Variants in NBAS observed in about 807,000 individuals in gnomAD.
NBAS encodes NBAS subunit of NRZ tethering complex.
Under a neutral mutation model 302.5 loss-of-function variants are expected in NBAS, and 219 were observed. The ratio of observed to expected loss-of-function variants is 0.72; its 90% CI spans 0.65 to 0.81. The LOEUF (loss-of-function observed/expected upper bound fraction) is 0.81. Ranked by LOEUF, NBAS falls within the 30% of genes least tolerant of loss-of-function variation. The probability of loss-of-function intolerance (pLI) is 0.00; values close to 1 mark genes in which losing one functional copy is unlikely to be tolerated. For synonymous variants in NBAS, 1,118 were observed against 1,021.6 expected (o/e 1.09, Z -1.80); for missense variants, 2,932 against 2,841.6 (o/e 1.03, Z -0.72).
intron 48 of NBAS, among the ~76,000 whole-genome samples, chr2:15,196,911 T>G (rs1373585499): frequency 1.3e-5 from 2 of 152,178 alleles, no homozygotes; most frequent in Admixed American, 1.3e-4. Context: ...ATTTGGTGAC[T>G]TATCCTTCCT....
the NBAS span, among the ~76,000 whole-genome samples, chr2:14,948,462 A>G: frequency 6.6e-6 from 1 of 152,130 alleles, no homozygotes; most frequent in East Asian, 1.9e-4. Flanking sequence ...ACAGTGTAAA[A>G]TGTGAAAAAT....
chr2:15,317,171 G>A (rs971267883), intron 38 of NBAS, among the ~76,000 whole-genome samples: 1 of 152,182 alleles, frequency 6.6e-6, no homozygotes, highest in African/African-American at 2.4e-5. Flanking sequence ...CTCTTAGAAG[G>A]AAAACTAACA....
At chr2:14,841,227 TC>T in the NBAS span, among the ~76,000 whole-genome samples, 1 of 151,876 alleles carries the variant, frequency 6.6e-6, no homozygotes, top group East Asian at 1.9e-4. Context: ...TAAAATATAT[TC>T]CCAGAGAAAA....
chr2:15,383,754 T>C (rs1358744902), intron 28 of NBAS, among the ~76,000 whole-genome samples: 1 of 152,202 alleles, frequency 6.6e-6, no homozygotes, highest in Admixed American at 6.5e-5. Context: ...TGACTTCAAC[T>C]GAACATTCAC....
chr2:15,385,654 G>A (rs187469069), intron 28 of NBAS, among the ~76,000 whole-genome samples: 11 of 152,230 alleles, frequency 7.2e-5, no homozygotes, highest in East Asian at 1.9e-4. Flanking sequence ...ACTCAAGTTC[G>A]TAAAACTTGC....
chr2:15,242,845 T>G (rs560316715), intron 44 of NBAS, among the ~76,000 whole-genome samples: 1 of 152,112 alleles, frequency 6.6e-6, no homozygotes, highest in African/African-American at 2.4e-5. Context: ...GAAATAAAGA[T>G]AAGTGGCTAA....
intron 44 of NBAS, among the ~76,000 whole-genome samples, chr2:15,260,798 C>T (rs1315243460): frequency 7.2e-6 from 1 of 139,638 alleles, no homozygotes; most frequent in African/African-American, 3.0e-5. Context: ...TATTATGTAT[C>T]AAAAGTCAAT....
the NBAS span, among the ~76,000 whole-genome samples, chr2:14,881,478 T>A: frequency 6.6e-6 from 1 of 152,192 alleles, no homozygotes; most frequent in Non-Finnish European, 1.5e-5. Context: ...ATTACTCATG[T>A]AACAAATCTG....
intron 32 of NBAS, among the ~76,000 whole-genome samples, chr2:15,363,646 T>C (rs930306435): frequency 1.3e-5 from 2 of 152,212 alleles, no homozygotes; most frequent in African/African-American, 2.4e-5. Flanking sequence ...TATTTCTGCC[T>C]ATAAAGGACA....
At chr2:15,372,654 T>C (rs1388745434) in intron 31 of NBAS, among the ~76,000 whole-genome samples, 5 of 152,170 alleles carry the variant, frequency 3.3e-5, no homozygotes, top group African/African-American at 9.7e-5. Flanking sequence ...GTCATTCTAA[T>C]AGGAAACTCC....
At chr2:15,439,258 C>T (rs1301890473) in intron 21 of NBAS, among the ~76,000 whole-genome samples, 4 of 148,794 alleles carry the variant, frequency 2.7e-5, no homozygotes, top group Non-Finnish European at 5.9e-5. Flanking sequence ...GCTGAGACAT[C>T]GCCACTGCAC....
chr2:14,989,813 G>A, the NBAS span, among the ~76,000 whole-genome samples: 31 of 152,194 alleles, frequency 2.0e-4, no homozygotes, highest in African/African-American at 6.7e-4. Flanking sequence ...AATGTGATGC[G>A]TATACTTACT....
At chr2:15,464,049 G>A (rs1256696960) in intron 19 of NBAS, among the ~76,000 whole-genome samples, 1 of 152,008 alleles carries the variant, frequency 6.6e-6, no homozygotes, top group Non-Finnish European at 1.5e-5. Flanking sequence ...GAAAATGGTT[G>A]GTGCTGAGCA....
intron 24 of NBAS, among the ~76,000 whole-genome samples, chr2:15,416,739 G>A (rs546944077): frequency 6.6e-6 from 1 of 151,330 alleles, no homozygotes; most frequent in African/African-American, 2.4e-5. Context: ...CCAGGAGATG[G>A]AGGTTACAGT....
chr2:14,869,258 A>G, the NBAS span, among the ~76,000 whole-genome samples: 1 of 152,144 alleles, frequency 6.6e-6, no homozygotes, highest in Non-Finnish European at 1.5e-5. Flanking sequence ...AGAGCTGCTC[A>G]GAAGTGTGAG....
the NBAS span, among the ~76,000 whole-genome samples, chr2:15,038,112 C>CTTTT: frequency 1.3e-4 from 16 of 118,546 alleles, no homozygotes; most frequent in African/African-American, 4.2e-4. Context: ...TGACTTTATT[C>CTTTT]TTTTTTTTTT....
At chr2:15,241,714 G>A (rs966170251) in intron 44 of NBAS, among the ~76,000 whole-genome samples, 6 of 152,154 alleles carry the variant, frequency 3.9e-5, no homozygotes, top group Non-Finnish European at 8.8e-5. Context: ...TTGACCAATG[G>A]ATAAAATACA....
At chr2:15,390,240 T>G (rs1472052623) in intron 28 of NBAS, among the ~76,000 whole-genome samples, 1 of 152,232 alleles carries the variant, frequency 6.6e-6, no homozygotes, top group African/African-American at 2.4e-5. Flanking sequence ...GAAGGAGCTC[T>G]TCCTCCATCC....
the NBAS span, among the ~76,000 whole-genome samples, chr2:15,010,467 T>G: frequency 6.6e-6 from 1 of 152,040 alleles, no homozygotes. Context: ...TTATACCCCT[T>G]AGGTGTCAGG....
Sources: gnomAD v4.1 joint callset for allele counts (sites outside exome capture counted in the v4.1 genomes callset) on GRCh38, gnomAD v4.1.1 for gene constraint, MANE v1.5 for transcripts, NCBI Gene and HGNC (gene_info 2026-07-23, HGNC 2026-07-21) for gene names.